ACYP2: variants seen among roughly 807,000 people sequenced by gnomAD.
The protein encoded by ACYP2 is acylphosphatase-2.
A neutral mutation model predicts 11.2 loss-of-function variants in ACYP2; 12 were observed. That is an observed-to-expected ratio of 1.08 (90% CI 0.69 to 1.74). The LOEUF is 1.74. Among genes scored for constraint, ACYP2 ranks in the 40% most tolerant of loss-of-function variants. ACYP2 has a pLI of 0.00. For missense variants in ACYP2, 134 were observed against 101.9 expected, an observed-to-expected ratio of 1.31 and a Z score of -1.35; for synonymous variants, 43 against 32.2, an observed-to-expected ratio of 1.33 and a Z score of -1.13.
At chr2:54,254,145 G>A (rs1438859234) in intron 6 of ACYP2, 1 of 152,256 alleles carries the variant, frequency 6.6e-6, no homozygotes, top group African/African-American at 2.4e-5. Flanking sequence ...GATAGGGTCT[G>A]ACATGTCCCC....
intron 6 of ACYP2, among the ~76,000 whole-genome samples, chr2:54,223,570 T>TAC (rs1685886863): frequency 6.6e-6 from 1 of 152,228 alleles, no homozygotes; most frequent in Non-Finnish European, 1.5e-5. Context: ...CACTTGATTC[T>TAC]ACAACACTGT....
intron 6 of ACYP2, among the ~76,000 whole-genome samples, chr2:54,172,861 G>A (rs575274338): frequency 2.6e-5 from 4 of 152,252 alleles, no homozygotes; most frequent in East Asian, 1.9e-4. Context: ...CCATGTCCCC[G>A]CAGAGAACAT....
At chr2:54,176,057 C>T (rs1283940660) in intron 6 of ACYP2, among the ~76,000 whole-genome samples, 1 of 152,144 alleles carries the variant, frequency 6.6e-6, no homozygotes, top group Admixed American at 6.6e-5. Context: ...CTATTGGTGC[C>T]TCAATCTTGG....
At chr2:54,213,697 G>A (rs1685429957) in intron 6 of ACYP2, among the ~76,000 whole-genome samples, 1 of 152,054 alleles carries the variant, frequency 6.6e-6, no homozygotes, top group African/African-American at 2.4e-5. Context: ...ATTTTTTCAT[G>A]TGCTGTTGGC....
intron 4 of ACYP2, among the ~76,000 whole-genome samples, chr2:54,091,396 A>G (rs889748270): frequency 2.0e-5 from 3 of 152,184 alleles, no homozygotes; most frequent in Non-Finnish European, 2.9e-5. Flanking sequence ...AAGGTAAATA[A>G]CAAAAGGGCT....
intron 6 of ACYP2, among the ~76,000 whole-genome samples, chr2:54,189,752 G>T (rs1684159713): frequency 6.6e-6 from 1 of 152,132 alleles, no homozygotes; most frequent in Non-Finnish European, 1.5e-5. Context: ...TCATATGACA[G>T]TACTACTTTT....
intron 2 of ACYP2, chr2:54,029,865 A>T: frequency 3.4e-6 from 1 of 294,748 alleles, no homozygotes; most frequent in Non-Finnish European, 6.4e-6. Context: ...TTTCTTACAG[A>T]TTTGTTCCCA....
chr2:54,271,348 A>G (rs991948741), intron 6 of ACYP2, among the ~76,000 whole-genome samples: 4 of 152,170 alleles, frequency 2.6e-5, no homozygotes, highest in East Asian at 1.9e-4. Context: ...GACTTCCCCA[A>G]TTGCGCCCAT....
At chr2:54,140,363 A>G (rs1230988939) in intron 6 of ACYP2, among the ~76,000 whole-genome samples, 2 of 152,220 alleles carry the variant, frequency 1.3e-5, no homozygotes, top group African/African-American at 2.4e-5. Flanking sequence ...CCTAATCCAC[A>G]TTATAGAGGG....
At chr2:54,150,253 A>T (rs1159836267) in intron 6 of ACYP2, among the ~76,000 whole-genome samples, 1 of 152,178 alleles carries the variant, frequency 6.6e-6, no homozygotes, top group African/African-American at 2.4e-5. Flanking sequence ...GATGGCCTCA[A>T]AGCCTGAACT....
At chr2:54,169,375 A>G (rs926808549) in intron 6 of ACYP2, among the ~76,000 whole-genome samples, 26 of 152,300 alleles carry the variant, frequency 1.7e-4, no homozygotes, top group African/African-American at 5.3e-4. Flanking sequence ...ATTTATGGAC[A>G]TTACTGAAAT....
At chr2:54,108,369 G>A (rs2287643) in intron 4 of ACYP2, among the ~76,000 whole-genome samples, 37,488 of 152,138 alleles carry the variant, frequency 0.25, 5,116 homozygotes, top group South Asian at 0.47. Context: ...ACATCATGAA[G>A]TAGATGAGTT....
At chr2:54,049,229 C>A (rs927621993) in intron 2 of ACYP2, among the ~76,000 whole-genome samples, 1 of 151,966 alleles carries the variant, frequency 6.6e-6, no homozygotes. Flanking sequence ...TCACTGCACT[C>A]CAGCCTGAGT....
chr2:54,040,451 A>G (rs1183217039), intron 2 of ACYP2, among the ~76,000 whole-genome samples: 1 of 152,122 alleles, frequency 6.6e-6, no homozygotes, highest in Non-Finnish European at 1.5e-5. Flanking sequence ...ATCCTAGATG[A>G]TAGTTCAAGT....
intron 4 of ACYP2, among the ~76,000 whole-genome samples, chr2:54,105,685 G>T (rs996004234): frequency 6.6e-6 from 1 of 151,826 alleles, no homozygotes; most frequent in Admixed American, 6.6e-5. Context: ...TGTGGAGAAG[G>T]GTTTTGCCAT....
At chr2:54,265,524 G>T (rs72802663) in intron 6 of ACYP2, among the ~76,000 whole-genome samples, 2,454 of 152,272 alleles carry the variant, frequency 0.016, 26 homozygotes, top group South Asian at 0.032. Flanking sequence ...TTTGACAATG[G>T]ATGAGGCAGC....
intron 4 of ACYP2, among the ~76,000 whole-genome samples, chr2:54,064,073 T>C (rs937823361): frequency 6.6e-6 from 1 of 152,168 alleles, no homozygotes; most frequent in Non-Finnish European, 1.5e-5. Context: ...AGTCTTGAAC[T>C]TGGGCTCAAG....
At chr2:54,178,028 C>T (rs1683542764) in intron 6 of ACYP2, among the ~76,000 whole-genome samples, 2 of 151,540 alleles carry the variant, frequency 1.3e-5, no homozygotes, top group African/African-American at 2.4e-5. Context: ...CCTTAGCCTC[C>T]AGAGTAGCTG....
intron 6 of ACYP2, among the ~76,000 whole-genome samples, chr2:54,215,465 G>A (rs974424264): frequency 6.6e-6 from 1 of 152,050 alleles, no homozygotes; most frequent in African/African-American, 2.4e-5. Context: ...TTTATCAAAA[G>A]AACTTAAAAA....
Sources: gnomAD v4.1 joint callset for allele counts (sites outside exome capture counted in the v4.1 genomes callset) on GRCh38, gnomAD v4.1.1 for gene constraint, MANE v1.5 for transcripts, NCBI Gene and HGNC (gene_info 2026-07-23, HGNC 2026-07-21) for gene names.